The following RPS6KA1 variants were observed in gnomAD, a reference collection of about 807,000 sequenced individuals.
RPS6KA1 encodes ribosomal protein S6 kinase A1.
RPS6KA1 carries 48 observed loss-of-function variants against 91.3 expected under a neutral mutation model. That is an observed-to-expected ratio of 0.53 (90% CI 0.42 to 0.67). The LOEUF (loss-of-function observed/expected upper bound fraction) is 0.67. Among genes scored for constraint, RPS6KA1 ranks in the 30% least tolerant of loss-of-function variants. The pLI, the probability that RPS6KA1 is intolerant of heterozygous loss-of-function variation, is 0.00. For synonymous variants in RPS6KA1, 359 were observed against 384.7 expected (o/e 0.93, Z 0.78); for missense variants, 719 against 960.5 (o/e 0.75, Z 3.32).
chr1:26,551,542 A>G lies in RPS6KA1; in HGVS notation c.388+65A>G. ...TCCTTCGCCCTTGCCTGTGGTCTGT[A>G]CACTGTCCCACCGCCTGCCTGGCAG... is the stretch of plus-strand genomic sequence containing the variant. On this transcript the variant is annotated intron_variant, in intron 5 of 21. Coordinates refer to ENST00000374168, the MANE Select transcript of RPS6KA1 (RefSeq NM_002953.4). The surrounding 1 kb of genome is among the most constrained non-coding windows in gnomAD (Gnocchi z 4.5). 6.2e-7 allele frequency: 1 copy of G among 1,601,236 alleles called. No homozygotes were observed. The highest frequency in any genetic ancestry group is 8.6e-7 in the Non-Finnish European group (1 of 1,168,428).
chr1:26,570,871 C>T (rs1291432234), intron 17 of RPS6KA1, among the ~76,000 whole-genome samples: 2 of 152,214 alleles, frequency 1.3e-5, no homozygotes, highest in Non-Finnish European at 2.9e-5. Context: ...GCCTGTAATC[C>T]CAGCACTTTG....
chr1:26,570,682 G>C (rs911870228), intron 17 of RPS6KA1, among the ~76,000 whole-genome samples: 1 of 152,194 alleles, frequency 6.6e-6, no homozygotes, highest in African/African-American at 2.4e-5. Context: ...CTAGGAGCTA[G>C]TTTAAGTGCT....
chr1:26,530,423 G>A (rs1044358072), intron 1 of RPS6KA1, among the ~76,000 whole-genome samples: 2 of 152,342 alleles, frequency 1.3e-5, no homozygotes, highest in East Asian at 1.9e-4. Context: ...CTTCACCGCT[G>A]CTGAGCCTAG....
At chr1:26,548,702 G>A (rs2076018581) in intron 4 of RPS6KA1, among the ~76,000 whole-genome samples, 2 of 151,944 alleles carry the variant, frequency 1.3e-5, no homozygotes, top group Non-Finnish European at 2.9e-5. Flanking sequence ...AGGAGGTTGA[G>A]GCACAAGAAT....
chr1:26,566,195 A>G (rs1053801208), intron 17 of RPS6KA1, among the ~76,000 whole-genome samples: 3 of 148,320 alleles, frequency 2.0e-5, no homozygotes, highest in Admixed American at 2.0e-4. Context: ...AGTGTGTGAG[A>G]GTTCTGGTAC....
rs1007018801 is a variant in RPS6KA1, at chr1:26,530,933, G to A, written c.63+950G>A. On this transcript the variant is annotated intron_variant, in intron 1 of 21. Coordinates refer to ENST00000374168, the MANE Select transcript of RPS6KA1 (RefSeq NM_002953.4). ...ATTCTCCTTCCCAGGTGGTTGTTGG[G>A]GGTATGCAGGGAGGGAATGGAGACC... is the stretch of plus-strand genomic sequence containing the variant. The A allele has an allele frequency of 5.0e-6, 6 of 1,204,718 alleles. No homozygotes were observed. In the African/African-American group the frequency reaches 9.4e-5, roughly 19 times the overall value. The allele number at this position is 1,204,718 out of a possible 1,614,324, so 74.6% of individuals were successfully genotyped here.
In RPS6KA1 at chr1:26,557,049, C is replaced by A. The variant is rs200823090; in HGVS notation, c.1033C>A (p.Pro345Thr). Residue 345 changes from proline to threonine, a missense_variant, in exon 13 of 22, where the codon CCT (proline) becomes ACT (threonine). By Grantham distance (38) the Pro-to-Thr change is conservative. Coordinates refer to ENST00000374168, the MANE Select transcript of RPS6KA1 (RefSeq NM_002953.4). ...KPPFKPAVAQ[P>T]DDTFYFDTEF... is the part of the protein sequence containing the mutation. ...ACCCTTCAAGCCAGCAGTGGCTCAG[C>A]CTGATGACACCTTCTACTTTGACAC... is the stretch of plus-strand genomic sequence containing the variant. 5 of 1,614,152 alleles carry A rather than the reference C, an allele frequency of 3.1e-6. No individual in the cohort carries two copies. The highest frequency in any genetic ancestry group is 4.2e-6 in the Non-Finnish European group (5 of 1,180,026).
chr1:26,529,982 A>T lies in RPS6KA1; in HGVS notation c.62A>T (p.Glu21Val), dbSNP rs1220472585. ...ATGGAGCTAGTGCCTCTGGACCCGG[A>T]GGTGAGTGAGCGGGGCGGGGGACGG... ...PLMELVPLDP[E>V]NGQTSGEEAG... Residue 21 changes from glutamate (E) to valine (V), a missense_variant and splice_region_variant, in exon 1 of 22, where the codon GAG becomes GTG. By Grantham distance (121) the Glu-to-Val change is moderately radical. Transcript: ENST00000374168. The surrounding 1 kb of genome is among the most constrained non-coding windows in gnomAD (Gnocchi z 4.2). The T allele has an allele frequency of 1.4e-6, 2 of 1,405,428 alleles. No individual in the cohort carries two copies. Among genetic ancestry groups the T allele is most frequent in the East Asian group, 6.6e-5 (2 of 30,530 alleles). 87.1% of individuals were successfully genotyped at this position (1,405,428 alleles called of 1,614,324 possible).
chr1:26,552,374 G>A (rs1215907191), intron 6 of RPS6KA1, among the ~76,000 whole-genome samples: 11 of 107,242 alleles, frequency 1.0e-4, no homozygotes, highest in African/African-American at 3.5e-4. Flanking sequence ...GCAACAGAGC[G>A]AGACTCTGTC....
intron 1 of RPS6KA1, among the ~76,000 whole-genome samples, chr1:26,534,511 C>G (rs1032061195): frequency 2.6e-5 from 4 of 152,082 alleles, no homozygotes; most frequent in Non-Finnish European, 5.9e-5. Flanking sequence ...GTAGAGGGAG[C>G]CACCATACAA....
Position 26,557,065 on chromosome 1 carries a change from A to T in RPS6KA1, c.1049A>T (p.Tyr350Phe), listed in dbSNP as rs2076108555. The change falls in exon 13 of 22, where the codon TAC becomes TTC. Residue 350 changes from tyrosine to phenylalanine, a missense_variant. Physicochemically the swap from Tyr to Phe is conservative, Grantham distance 22. This residue lies in a region of RPS6KA1 where 228 missense variants were observed against 247.6 expected (regional missense o/e 0.92). Transcript: ENST00000374168. ...PAVAQPDDTF[Y>F]FDTEFTSRTP... is the part of the protein sequence containing the mutation. ...GTGGCTCAGCCTGATGACACCTTCT[A>T]CTTTGACACCGAGTTCACGTCCCGC... 1 of 1,613,928 alleles carries T rather than the reference A, an allele frequency of 6.2e-7. No individual in the cohort carries two copies. The highest frequency in any genetic ancestry group is 8.5e-7 in the Non-Finnish European group (1 of 1,179,996).
rs1322186684 is a variant in RPS6KA1, at chr1:26,547,932, G to C, written c.307+662G>C. Among the ~76,000 whole-genome samples, 1 of 152,148 alleles carries C rather than the reference G, an allele frequency of 6.6e-6. No individual in the cohort carries two copies. The highest frequency in any genetic ancestry group is 1.5e-5 in the Non-Finnish European group (1 of 68,022). ...CACCTGTAATCCCAGCACTTTGGGA[G>C]GCTGAGGTGGGCGGGTCATTTGAGG... On this transcript the variant is annotated intron_variant, in intron 4 of 21. Transcript: ENST00000374168. This position sits in a 1 kb window ranked among gnomAD's most constrained non-coding sequence, Gnocchi z 4.1.
chr1:26,537,060 C>G (rs1288634313), intron 2 of RPS6KA1, 91 bp downstream of exon 2: 1 of 1,386,180 alleles, frequency 7.2e-7, no homozygotes, highest in East Asian at 2.3e-5. Context: ...AGCCTCTAGC[C>G]CCTTTGCCCA....
At position 26,574,873 on chromosome 1, in the gene RPS6KA1, T is replaced by G. The variant is rs1009552206; in HGVS notation, c.*672T>G. The G allele has an allele frequency of 3.1e-5, 6 of 194,742 alleles. No individual in the cohort carries two copies. The highest frequency in any genetic ancestry group is 6.5e-5 in the Non-Finnish European group (6 of 92,588). 12.1% of individuals were successfully genotyped at this position (194,742 alleles called of 1,614,324 possible). ...CAGAGAGAGGATGTGGAAAGCACTT[T>G]TTGGCTGACTTCATCTGGGGTTGGC... On this transcript the variant is annotated 3_prime_UTR_variant, in exon 22 of 22. Transcript: ENST00000374168. This position sits in a 1 kb window ranked among gnomAD's most constrained non-coding sequence, Gnocchi z 4.3.
chr1:26,571,819 G>A lies in RPS6KA1; in HGVS notation c.1753-30G>A. On this transcript the variant is annotated intron_variant, in intron 18 of 21. Coordinates refer to ENST00000374168, the MANE Select transcript of RPS6KA1 (RefSeq NM_002953.4). The surrounding 1 kb of genome is among the most constrained non-coding windows in gnomAD (Gnocchi z 5.1). ...GTGGCGACTTTCTACTGCCCCCCCAGACTGACCACCTCCCCTGCCCTGTTG... is the reference window on the plus strand; with the variant it reads ...GTGGCGACTTTCTACTGCCCCCCCAAACTGACCACCTCCCCTGCCCTGTTG... 1.2e-6 allele frequency: 2 copies of A among 1,601,266 alleles called. No individual in the cohort carries two copies. Among genetic ancestry groups the A allele is most frequent in the Non-Finnish European group, 1.7e-6 (2 of 1,176,862 alleles).
In RPS6KA1 at chr1:26,563,085, C is replaced by T. The variant is rs538546165; in HGVS notation, c.1590+1422C>T. ...AACTCCTGACCTCAGGTGATCTGCCCGCCTCGGCCTCCCAAAGTGCTGGGA... is the reference window on the plus strand; with the variant it reads ...AACTCCTGACCTCAGGTGATCTGCCTGCCTCGGCCTCCCAAAGTGCTGGGA... On this transcript the variant is annotated intron_variant, in intron 17 of 21. Coordinates refer to ENST00000374168, the MANE Select transcript of RPS6KA1 (RefSeq NM_002953.4). 3.5e-4 allele frequency among the ~76,000 whole-genome samples: 53 copies of T among 151,864 alleles called. No homozygotes were observed. The South Asian group carries it at 6.7e-3, about 19-fold the overall frequency.
chr1:26,545,785 C>T, intron 2 of RPS6KA1: 1 of 1,377,020 alleles, frequency 7.3e-7, no homozygotes, highest in Non-Finnish European at 9.4e-7. Context: ...ATTGGCTGCC[C>T]TGGGCCAGGC....
At chr1:26,533,236 T>C (rs1284848463) in intron 1 of RPS6KA1, among the ~76,000 whole-genome samples, 10 of 152,132 alleles carry the variant, frequency 6.6e-5, no homozygotes, top group Non-Finnish European at 1.2e-4. Context: ...CGTGTCACCA[T>C]GCCCAGCTAA....
intron 17 of RPS6KA1, among the ~76,000 whole-genome samples, chr1:26,566,406 C>G (rs2076202633): frequency 6.6e-6 from 1 of 151,534 alleles, no homozygotes; most frequent in African/African-American, 2.4e-5. Flanking sequence ...ACCTCAGCCT[C>G]CTGAGGAGCT....
Sources: gnomAD v4.1 joint callset for allele counts (sites outside exome capture counted in the v4.1 genomes callset) on GRCh38, gnomAD v4.1.1 for gene constraint, gnomAD v4.1.1 regional missense constraint, Gnocchi (gnomAD v3.1) non-coding constraint, MANE v1.5 for transcripts, NCBI Gene and HGNC (gene_info 2026-07-23, HGNC 2026-07-21) for gene names.